The following NKAIN2 variants were observed in gnomAD, a reference collection of about 807,000 sequenced individuals.
NKAIN2 encodes sodium/potassium-transporting ATPase subunit beta-1-interacting protein 2.
Under a neutral mutation model 32.6 loss-of-function variants are expected in NKAIN2, and 14 were observed. The observed-to-expected ratio is 0.43, with a 90% CI of 0.28 to 0.67. The LOEUF (loss-of-function observed/expected upper bound fraction) is 0.67. Among genes scored for constraint, NKAIN2 ranks in the 30% least tolerant of loss-of-function variants. NKAIN2 has a pLI of 0.17. For synonymous variants in NKAIN2, 80 were observed against 87.2 expected (o/e 0.92, Z 0.46); for missense variants, 198 against 258.3 (o/e 0.77, Z 1.60).
chr6:124,039,530 CATT>C (rs1781768560), intron 1 of NKAIN2, among the ~76,000 whole-genome samples: 1 of 151,800 alleles, frequency 6.6e-6, no homozygotes, highest in Admixed American at 6.6e-5. Flanking sequence ...GAGTTGCTAT[CATT>C]AATTGACATG....
Position 124,551,150 on chromosome 6 carries a change from A to AAAG in NKAIN2, c.274-107035_274-107033dup, listed in dbSNP as rs1256293065. 2.4e-4 allele frequency among the ~76,000 whole-genome samples: 37 copies of AAAG among 152,298 alleles called. 1 individual carries two copies. The highest frequency in any genetic ancestry group is 8.7e-4 in the African/African-American group (36 of 41,564). On this transcript the variant is annotated intron_variant, in intron 3 of 6. Coordinates refer to ENST00000368417, the MANE Select transcript of NKAIN2 (RefSeq NM_001040214.3). ...GAGAAGAAAGTGAGCAAGAGAAATAAAAGTATTTGTCAGTGTTTTAGTGAT... is the reference window on the plus strand; with the variant it reads ...GAGAAGAAAGTGAGCAAGAGAAATAAAAGAAGTATTTGTCAGTGTTTTAGTGAT...
Position 124,761,353 on chromosome 6 carries a change from T to A in NKAIN2, c.475-29986T>A, listed in dbSNP as rs547711740. On this transcript the variant is annotated intron_variant, in intron 4 of 6. Transcript: ENST00000368417. Reference sequence around the variant, plus strand: ...CTGACCTTGATAACCCCATTTATACTCAGATGATGCTATTACTTCATACCA... The same window carrying A: ...CTGACCTTGATAACCCCATTTATACACAGATGATGCTATTACTTCATACCA... Among the ~76,000 whole-genome samples the A allele has an allele frequency of 2.3e-3, 354 of 152,290 alleles. 2 individuals are homozygous for A. Among genetic ancestry groups the A allele is most frequent in the Admixed American group, 3.5e-3 (53 of 15,300 alleles).
intron 4 of NKAIN2, among the ~76,000 whole-genome samples, chr6:124,695,955 C>T (rs1774477293): frequency 6.6e-6 from 1 of 152,162 alleles, no homozygotes; most frequent in Non-Finnish European, 1.5e-5. Context: ...GGGGAAACTG[C>T]TTTTGTGCTT....
At chr6:124,615,659 C>G (rs908866428) in intron 3 of NKAIN2, among the ~76,000 whole-genome samples, 6 of 151,818 alleles carry the variant, frequency 4.0e-5, no homozygotes, top group Admixed American at 1.3e-4. Flanking sequence ...AAAATTTTAG[C>G]CATTATTTCT....
chr6:124,137,192 G>A (rs1786849872), intron 1 of NKAIN2, among the ~76,000 whole-genome samples: 1 of 152,106 alleles, frequency 6.6e-6, no homozygotes, highest in Non-Finnish European at 1.5e-5. Flanking sequence ...AGACAAATTA[G>A]TAGCAGTGCT....
intron 4 of NKAIN2, among the ~76,000 whole-genome samples, chr6:124,742,217 A>G (rs1333294106): frequency 6.6e-6 from 1 of 151,816 alleles, no homozygotes; most frequent in Non-Finnish European, 1.5e-5. Flanking sequence ...TTATTTCTGG[A>G]TATGTCTCCA....
At chr6:124,592,409 G>A (rs1174801547) in intron 3 of NKAIN2, among the ~76,000 whole-genome samples, 1 of 152,030 alleles carries the variant, frequency 6.6e-6, no homozygotes, top group Non-Finnish European at 1.5e-5. Flanking sequence ...AAGAATTGAG[G>A]AACCCCTTAA....
chr6:124,059,063 G>A (rs975795039), intron 1 of NKAIN2, among the ~76,000 whole-genome samples: 26 of 151,780 alleles, frequency 1.7e-4, no homozygotes, highest in African/African-American at 6.0e-4. Flanking sequence ...TTATGCACAA[G>A]AAGAAATAAA....
At chr6:124,194,573 C>G (rs542513611) in intron 1 of NKAIN2, among the ~76,000 whole-genome samples, 14 of 152,016 alleles carry the variant, frequency 9.2e-5, no homozygotes, top group African/African-American at 3.4e-4. Context: ...TGCCTACTTT[C>G]TGTCTTCTTT....
chr6:124,582,835 T>A (rs1471783456), intron 3 of NKAIN2, among the ~76,000 whole-genome samples: 4 of 152,126 alleles, frequency 2.6e-5, no homozygotes, highest in African/African-American at 9.7e-5. Flanking sequence ...ATCAATCATG[T>A]GGTACACCAT....
chr6:124,009,469 GA>G (rs1242492768), intron 1 of NKAIN2, among the ~76,000 whole-genome samples: 2 of 152,176 alleles, frequency 1.3e-5, no homozygotes, highest in Non-Finnish European at 2.9e-5. Context: ...ACAAATACGT[GA>G]AAATAATGCT....
At chr6:123,928,821 A>G (rs1306915787) in intron 1 of NKAIN2, among the ~76,000 whole-genome samples, 5 of 152,200 alleles carry the variant, frequency 3.3e-5, no homozygotes, top group Admixed American at 3.3e-4. Flanking sequence ...CCATGGCAAC[A>G]TTGTTTATAG....
In NKAIN2 at chr6:123,846,838, A is replaced by ATG. The variant is rs1554213837; in HGVS notation, c.54+42584_54+42585insTG. Among the ~76,000 whole-genome samples, 23 of 67,500 alleles carry ATG rather than the reference A, an allele frequency of 3.4e-4. No individual in the cohort carries two copies. The South Asian group carries it at 0.029, about 84-fold the overall frequency. 44.3% of individuals were successfully genotyped at this position (67,500 alleles called of 152,430 possible). ...CCCCACGCCACCGCCACACACACGC[A>ATG]CGCGCGCACACACACACACACACAT... On this transcript the variant is annotated intron_variant, in intron 1 of 6. Transcript: ENST00000368417.
intron 3 of NKAIN2, among the ~76,000 whole-genome samples, chr6:124,525,464 A>C (rs1779276151): frequency 6.6e-6 from 1 of 152,168 alleles, no homozygotes; most frequent in African/African-American, 2.4e-5. Context: ...TTAGCTCTTT[A>C]TATAACTTTT....
chr6:124,763,723 T>G (rs1367668446), intron 4 of NKAIN2, among the ~76,000 whole-genome samples: 2 of 152,322 alleles, frequency 1.3e-5, no homozygotes, highest in East Asian at 3.9e-4. Context: ...TATAAGGTAA[T>G]AAATATGTTA....
chr6:124,193,523 T>C (rs1790135182), intron 1 of NKAIN2, among the ~76,000 whole-genome samples: 1 of 151,688 alleles, frequency 6.6e-6, no homozygotes, highest in Non-Finnish European at 1.5e-5. Context: ...AAGGAAGGAG[T>C]CAAAGCCCTG....
intron 1 of NKAIN2, among the ~76,000 whole-genome samples, chr6:124,090,160 G>A (rs368061991): frequency 1.3e-5 from 2 of 152,016 alleles, no homozygotes; most frequent in African/African-American, 4.8e-5. Context: ...TTAAAAGGAT[G>A]TCATGTTTTA....
intron 1 of NKAIN2, among the ~76,000 whole-genome samples, chr6:124,235,888 C>A (rs1477718971): frequency 6.6e-6 from 1 of 152,010 alleles, no homozygotes; most frequent in Non-Finnish European, 1.5e-5. Flanking sequence ...TGAGCCACTG[C>A]ACCTGGCCTA....
intron 1 of NKAIN2, among the ~76,000 whole-genome samples, chr6:123,976,521 C>T (rs1362672272): frequency 1.1e-4 from 17 of 149,420 alleles, no homozygotes; most frequent in African/African-American, 4.2e-4. Flanking sequence ...CCCAGAGAAC[C>T]AATGGTGCAG....
Sources: allele counts gnomAD v4.1 joint callset (sites outside exome capture counted in the v4.1 genomes callset), GRCh38; gene constraint gnomAD v4.1.1; transcripts MANE v1.5; gene names NCBI Gene and HGNC (gene_info 2026-07-23, HGNC 2026-07-21).